LRRTM3: variants seen among roughly 807,000 people sequenced by gnomAD.
The protein encoded by LRRTM3 is leucine rich repeat transmembrane neuronal 3.
Under a neutral mutation model 44.7 loss-of-function variants are expected in LRRTM3, and 24 were observed. The ratio of observed to expected loss-of-function variants is 0.54; its 90% CI spans 0.39 to 0.76. LRRTM3 has a LOEUF of 0.76. LRRTM3 is among the 30% of genes least tolerant of loss of function. The probability of loss-of-function intolerance (pLI) is 0.00; values close to 1 mark genes in which losing one functional copy is unlikely to be tolerated. For missense variants in LRRTM3, 587 were observed against 702.2 expected, an observed-to-expected ratio of 0.84 and a Z score of 1.85; for synonymous variants, 277 against 278.7, an observed-to-expected ratio of 0.99 and a Z score of 0.06.
intron 2 of LRRTM3, among the ~76,000 whole-genome samples, chr10:67,017,629 G>A (rs1852736482): frequency 6.6e-6 from 1 of 152,060 alleles, no homozygotes. Context: ...TAGTTCTAAT[G>A]TTTGGAAGTG....
At chr10:66,940,958 G>A (rs1847964487) in intron 2 of LRRTM3, among the ~76,000 whole-genome samples, 1 of 152,138 alleles carries the variant, frequency 6.6e-6, no homozygotes. Context: ...GTAAAAAAAT[G>A]CAACTGAGTT....
intron 2 of LRRTM3, among the ~76,000 whole-genome samples, chr10:67,013,549 C>G (rs184159892): frequency 6.6e-6 from 1 of 152,136 alleles, no homozygotes; most frequent in Admixed American, 6.6e-5. Context: ...TATACCATGA[C>G]CTCGGCAAAC....
At chr10:67,064,361 T>C (rs529994254) in intron 2 of LRRTM3, among the ~76,000 whole-genome samples, 1 of 152,286 alleles carries the variant, frequency 6.6e-6, no homozygotes, top group South Asian at 2.1e-4. Flanking sequence ...ACAAAAAATA[T>C]GCAGAGCATA....
chr10:66,931,304 G>GT (rs1284433521), intron 2 of LRRTM3, among the ~76,000 whole-genome samples: 4 of 151,546 alleles, frequency 2.6e-5, no homozygotes, highest in African/African-American at 9.7e-5. Context: ...CTTCATGTGA[G>GT]TTTTTTTCCA....
In LRRTM3 at chr10:66,928,083, T is replaced by C. The variant is rs952590036; in HGVS notation, c.1167T>C (p.His389=). 3.7e-6 allele frequency: 6 copies of C among 1,614,022 alleles called. No individual in the cohort carries two copies. The African/African-American group carries it at 6.7e-5, about 18-fold the overall frequency. The change falls in exon 2 of 3, where the codon CAT becomes CAC. Residue 389 remains histidine (H), a synonymous_variant. Transcript: ENST00000361320. ...AGCCCAAGCTCCCCAGGCCGAAGCA[T>C]GAGAGCAAACCCCCTTTGCCCCCGA... The part of the protein sequence containing the change: ...TFKPKLPRPK[H]ESKPPLPPTV...
intron 2 of LRRTM3, among the ~76,000 whole-genome samples, chr10:66,993,276 CA>C (rs1347076274): frequency 1.3e-5 from 2 of 152,094 alleles, no homozygotes; most frequent in African/African-American, 4.8e-5. Context: ...TTACAAAAAG[CA>C]AAGGCAGAAA....
At chr10:66,952,631 T>C (rs535820007) in intron 2 of LRRTM3, among the ~76,000 whole-genome samples, 2 of 152,158 alleles carry the variant, frequency 1.3e-5, no homozygotes, top group Non-Finnish European at 2.9e-5. Flanking sequence ...GGTAAATCAA[T>C]TAATTCTAAG....
At chr10:67,027,103 T>C (rs1256181716) in intron 2 of LRRTM3, among the ~76,000 whole-genome samples, 2 of 152,170 alleles carry the variant, frequency 1.3e-5, no homozygotes, top group Non-Finnish European at 2.9e-5. Flanking sequence ...TTCTTTTATA[T>C]CCCTTATAGC....
chr10:66,966,541 C>G (rs1319951249), intron 2 of LRRTM3, among the ~76,000 whole-genome samples: 2 of 151,622 alleles, frequency 1.3e-5, no homozygotes, highest in Non-Finnish European at 2.9e-5. Flanking sequence ...TAAAAATGAG[C>G]TATCAGATTC....
chr10:67,062,579 A>AAAATAT (rs1855824212), intron 2 of LRRTM3, among the ~76,000 whole-genome samples: 2 of 152,158 alleles, frequency 1.3e-5, no homozygotes, highest in African/African-American at 4.8e-5. Flanking sequence ...CTTAGAACAC[A>AAAATAT]AAATATAAAA....
At chr10:66,979,616 T>TCAACTCCCA (rs2132872367) in intron 2 of LRRTM3, among the ~76,000 whole-genome samples, 1 of 152,224 alleles carries the variant, frequency 6.6e-6, no homozygotes, top group African/African-American at 2.4e-5. Flanking sequence ...AATTGCCACA[T>TCAACTCCCA]CAGTAAAATG....
At chr10:66,993,807 T>C (rs1851175899) in intron 2 of LRRTM3, among the ~76,000 whole-genome samples, 1 of 152,174 alleles carries the variant, frequency 6.6e-6, no homozygotes, top group Non-Finnish European at 1.5e-5. Flanking sequence ...ATATATTTTG[T>C]TTTGCAAATT....
In LRRTM3 at chr10:67,101,414, AT is replaced by A. The variant is rs987394049; in HGVS notation, c.*3626del. The stretch of plus-strand genomic sequence containing the variant: ...GCAAGATTTCTTCTTAAACCATGAA[AT>A]TTTTTTTACTTGTAATAATAGAGAA... On this transcript the variant is annotated 3_prime_UTR_variant, in exon 3 of 3. Transcript: ENST00000361320. 3.3e-5 allele frequency among the ~76,000 whole-genome samples: 5 copies of A among 150,460 alleles called. No homozygotes were observed. Among genetic ancestry groups the A allele is most frequent in the African/African-American group, 7.4e-5 (3 of 40,742 alleles).
rs926958808 is a variant in LRRTM3 at position 66,967,565 on chromosome 10, C to T, written c.1536+39113C>T. ...CATCTGCACCCTCTATACCTTTAAGCAGTATGCAAATGATACAACCATATG... is the reference window on the plus strand; with the variant it reads ...CATCTGCACCCTCTATACCTTTAAGTAGTATGCAAATGATACAACCATATG... On this transcript the variant is annotated intron_variant, in intron 2 of 2. Coordinates refer to ENST00000361320, the MANE Select transcript of LRRTM3 (RefSeq NM_178011.5). Among the ~76,000 whole-genome samples the T allele has an allele frequency of 2.0e-5, 3 of 151,936 alleles. No individual in the cohort carries two copies. In the South Asian group the frequency reaches 6.2e-4, roughly 31 times the overall value.
intron 2 of LRRTM3, among the ~76,000 whole-genome samples, chr10:67,095,569 C>A (rs921931511): frequency 2.6e-5 from 4 of 151,772 alleles, no homozygotes; most frequent in Non-Finnish European, 4.4e-5. Context: ...TGTGTGCACA[C>A]ACACACACAG....
At chr10:67,052,328 C>G (rs982326020) in intron 2 of LRRTM3, among the ~76,000 whole-genome samples, 1 of 151,280 alleles carries the variant, frequency 6.6e-6, no homozygotes, top group East Asian at 1.9e-4. Flanking sequence ...CTCTCTCTCT[C>G]TCTCTCTCTC....
At chr10:66,954,966 A>G (rs1848713810) in intron 2 of LRRTM3, among the ~76,000 whole-genome samples, 1 of 152,192 alleles carries the variant, frequency 6.6e-6, no homozygotes, top group Admixed American at 6.6e-5. Flanking sequence ...GATCTCAATT[A>G]GGAAAAGTAC....
At chr10:66,962,372 C>A (rs951244519) in intron 2 of LRRTM3, among the ~76,000 whole-genome samples, 1 of 151,846 alleles carries the variant, frequency 6.6e-6, no homozygotes, top group Non-Finnish European at 1.5e-5. Context: ...TCTGCCTCCT[C>A]AACTCCTCTA....
chr10:67,054,958 A>G (rs1296305273), intron 2 of LRRTM3: 2 of 152,142 alleles, frequency 1.3e-5, no homozygotes, highest in Non-Finnish European at 2.9e-5. Flanking sequence ...CAACCCCCTT[A>G]GTTTATACAA....
Sources: allele counts gnomAD v4.1 joint callset (sites outside exome capture counted in the v4.1 genomes callset), GRCh38; gene constraint gnomAD v4.1.1; transcripts MANE v1.5; gene names NCBI Gene and HGNC (gene_info 2026-07-23, HGNC 2026-07-21).